Variants in CAPZB observed in about 807,000 individuals in gnomAD.
The protein encoded by CAPZB is F-actin-capping protein subunit beta.
In CAPZB, 2 loss-of-function variants were observed where a neutral mutation model predicts 38.1. That is an observed-to-expected ratio of 0.05 (90% CI 0.02 to 0.17). CAPZB has a LOEUF of 0.17. Ranked by LOEUF, CAPZB falls within the 10% of genes least tolerant of loss-of-function variation. The pLI is 1.00. For missense variants in CAPZB, 161 were observed against 334.2 expected (o/e 0.48, Z 4.04); for synonymous variants, 107 against 127.4 (o/e 0.84, Z 1.08).
chr1:19,365,774 C>T (rs1173616640), intron 4 of CAPZB, among the ~76,000 whole-genome samples: 2 of 151,330 alleles, frequency 1.3e-5, no homozygotes, highest in African/African-American at 2.4e-5. Context: ...GCAGAGGTTG[C>T]GGTGAGCCGA....
chr1:19,385,444 G>C lies in CAPZB; in HGVS notation c.215+61C>G, dbSNP rs978552500. 1.9e-5 allele frequency: 31 copies of C among 1,604,154 alleles called. No homozygotes were observed. In the Admixed American group the frequency reaches 3.0e-4, roughly 16 times the overall value. On this transcript the variant is annotated intron_variant, in intron 3 of 8. Coordinates refer to ENST00000264202, the MANE Select transcript of CAPZB (RefSeq NM_004930.5). ...CCAAGGTCCCCGTGCTCTGCAGCAG[G>C]TACCTACGGCAGCCCGCGTGTGCCT... is the stretch of plus-strand genomic sequence containing the variant.
chr1:19,444,816 C>T (rs1558267597), intron 1 of CAPZB, among the ~76,000 whole-genome samples: 1 of 152,144 alleles, frequency 6.6e-6, no homozygotes, highest in Non-Finnish European at 1.5e-5. Flanking sequence ...AATCCTGGCT[C>T]ACTGCAACCT....
intron 6 of CAPZB, among the ~76,000 whole-genome samples, chr1:19,347,712 C>T (rs895273397): frequency 6.6e-6 from 1 of 152,188 alleles, no homozygotes; most frequent in Admixed American, 6.5e-5. Context: ...AGGGTTAATA[C>T]GGAACCCGGA....
intron 3 of CAPZB, among the ~76,000 whole-genome samples, chr1:19,383,162 G>A (rs2094184763): frequency 6.6e-6 from 1 of 151,836 alleles, no homozygotes; most frequent in African/African-American, 2.4e-5. Flanking sequence ...AAAATTAGCT[G>A]GGGCTGGGCG....
chr1:19,434,954 T>TCG (rs2094453534), intron 1 of CAPZB, among the ~76,000 whole-genome samples: 1 of 138,948 alleles, frequency 7.2e-6, no homozygotes, highest in Non-Finnish European at 1.6e-5. Flanking sequence ...GGCCTGATAA[T>TCG]CAAGTCAGTC....
intron 6 of CAPZB, among the ~76,000 whole-genome samples, chr1:19,355,195 A>G (rs538998948): frequency 6.6e-6 from 1 of 152,268 alleles, no homozygotes; most frequent in Admixed American, 6.5e-5. Flanking sequence ...AATTCACTTA[A>G]AAGATTTACT....
chr1:19,357,517 G>A lies in CAPZB; in HGVS notation c.376C>T (p.His126Tyr). 6.2e-7 allele frequency: 1 copy of A among 1,613,988 alleles called. No individual in the cohort carries two copies. The highest frequency in any genetic ancestry group is 8.5e-7 in the Non-Finnish European group (1 of 1,180,002). ...ATGAGGATCACTCCAGCAAAGCCATGATCCAGATCCCAGAGGTAGACAGAT... is the reference window on the plus strand; with the variant it reads ...ATGAGGATCACTCCAGCAAAGCCATAATCCAGATCCCAGAGGTAGACAGAT... ...VSSVYLWDLD[H>Y]GFAGVILIKK... is the part of the protein sequence containing the mutation. The change falls in exon 5 of 9, where the codon CAT (histidine) becomes TAT (tyrosine). Residue 126 changes from histidine to tyrosine, a missense_variant. Physicochemically the swap from His to Tyr is moderately conservative, Grantham distance 83. Coordinates refer to ENST00000264202, the MANE Select transcript of CAPZB (RefSeq NM_004930.5). The surrounding 1 kb of genome is among the most constrained non-coding windows in gnomAD (Gnocchi z 4.3).
intron 1 of CAPZB, among the ~76,000 whole-genome samples, chr1:19,444,159 A>G (rs946374533): frequency 1.4e-5 from 2 of 141,076 alleles, no homozygotes; most frequent in African/African-American, 2.5e-5. Flanking sequence ...CTCCGTCTCA[A>G]GGAAAAAAAA....
At chr1:19,340,674 C>T (rs2093923149) in intron 8 of CAPZB, among the ~76,000 whole-genome samples, 1 of 152,012 alleles carries the variant, frequency 6.6e-6, no homozygotes, top group African/African-American at 2.4e-5. Flanking sequence ...TCTACAACGA[C>T]AACAACAAAA....
chr1:19,396,787 A>C (rs1393451418), intron 2 of CAPZB, among the ~76,000 whole-genome samples: 2 of 17,728 alleles, frequency 1.1e-4, no homozygotes, highest in African/African-American at 2.2e-4. Context: ...ATAAAAATAC[A>C]AAAAAAAAAA....
intron 4 of CAPZB, among the ~76,000 whole-genome samples, chr1:19,358,310 G>A (rs141461336): frequency 0.011 from 1,614 of 152,180 alleles, 27 homozygotes; most frequent in African/African-American, 0.037. Context: ...GCTAATTTCT[G>A]TATTTTTAGT....
rs752566291 is a variant in CAPZB at position 19,484,710 on chromosome 1, A to G, written c.3+726T>C. 606 of 1,081,374 alleles carry G rather than the reference A, an allele frequency of 5.6e-4. 4 individuals are homozygous for G. The highest frequency in any genetic ancestry group is 4.4e-3 in the Middle Eastern group (10 of 2,250). The allele number at this position is 1,081,374 out of a possible 1,614,324, so 67.0% of individuals were successfully genotyped here. ...CCAGGCAGGGGGCAGGACCCTGATGAGAGGCTCAGGGCGGGGACCGAGCGG... is the reference window on the plus strand; with the variant it reads ...CCAGGCAGGGGGCAGGACCCTGATGGGAGGCTCAGGGCGGGGACCGAGCGG... On this transcript the variant is annotated intron_variant, in intron 1 of 8. Transcript: ENST00000264202.
At chr1:19,464,934 T>C (rs1221002177) in intron 1 of CAPZB, among the ~76,000 whole-genome samples, 1 of 152,154 alleles carries the variant, frequency 6.6e-6, no homozygotes, top group Non-Finnish European at 1.5e-5. Flanking sequence ...AGGGACTTTT[T>C]AGGGTGAGGA....
rs1445360155 is a variant in CAPZB at position 19,485,489 on chromosome 1, C to A, written c.-51G>T. On this transcript the variant is annotated 5_prime_UTR_variant, in exon 1 of 9. Transcript: ENST00000264202. ...GTCCCGGCGTCAGTGGCTCTCCCCCCCGCAGCAGGGCCCGGCGCTTCCACT... is the reference window on the plus strand; with the variant it reads ...GTCCCGGCGTCAGTGGCTCTCCCCCACGCAGCAGGGCCCGGCGCTTCCACT... The A allele has an allele frequency of 1.3e-5, 16 of 1,227,624 alleles. No individual in the cohort carries two copies. The highest frequency in any genetic ancestry group is 1.6e-5 in the Non-Finnish European group (16 of 985,288). 76.0% of individuals were successfully genotyped at this position (1,227,624 alleles called of 1,614,324 possible).
intron 4 of CAPZB, among the ~76,000 whole-genome samples, chr1:19,369,374 T>G (rs941593096): frequency 9.2e-5 from 14 of 152,246 alleles, no homozygotes; most frequent in Non-Finnish European, 1.8e-4. Context: ...TCCAAAGCTG[T>G]GAGGTTTCTC....
chr1:19,360,191 T>C (rs760400923), intron 4 of CAPZB, among the ~76,000 whole-genome samples: 23 of 152,182 alleles, frequency 1.5e-4, no homozygotes, highest in Admixed American at 8.5e-4. Context: ...GGCACATCAA[T>C]ACTACCAACG....
At chr1:19,436,920 T>C (rs1558260547) in intron 1 of CAPZB, among the ~76,000 whole-genome samples, 1 of 152,240 alleles carries the variant, frequency 6.6e-6, no homozygotes, top group Non-Finnish European at 1.5e-5. Flanking sequence ...ACCCGCAGTG[T>C]GGCTGGGACT....
At chr1:19,355,703 G>A (rs912466384) in intron 6 of CAPZB, among the ~76,000 whole-genome samples, 12 of 152,188 alleles carry the variant, frequency 7.9e-5, no homozygotes, top group Admixed American at 3.9e-4. Flanking sequence ...AGGCTGTGCC[G>A]TTTCTGCCAA....
At chr1:19,414,527 G>C (rs1340723729) in intron 2 of CAPZB, among the ~76,000 whole-genome samples, 1 of 152,186 alleles carries the variant, frequency 6.6e-6, no homozygotes, top group African/African-American at 2.4e-5. Flanking sequence ...AAAGAAAGAA[G>C]TGAAGGAACT....
Sources: gnomAD v4.1 joint callset for allele counts (sites outside exome capture counted in the v4.1 genomes callset) on GRCh38, gnomAD v4.1.1 for gene constraint, Gnocchi (gnomAD v3.1) non-coding constraint, MANE v1.5 for transcripts, NCBI Gene and HGNC (gene_info 2026-07-23, HGNC 2026-07-21) for gene names.